Variants in HTR1F observed in about 807,000 individuals in gnomAD.
The protein encoded by HTR1F is 5-hydroxytryptamine receptor 1F.
A neutral mutation model predicts 24.0 loss-of-function variants in HTR1F; 17 were observed. That is an observed-to-expected ratio of 0.71 (90% CI 0.48 to 1.06). The LOEUF (loss-of-function observed/expected upper bound fraction) is 1.06, where lower values mean the gene tolerates loss of function less well. HTR1F is among the 50% of genes least tolerant of loss of function. The pLI is 0.00. For synonymous variants in HTR1F, 186 were observed against 156.8 expected (o/e 1.19, Z -1.39); for missense variants, 391 against 427.8 (o/e 0.91, Z 0.76).
intron 2 of HTR1F, among the ~76,000 whole-genome samples, chr3:87,944,502 C>A (rs1183733104): frequency 6.6e-6 from 1 of 152,198 alleles, no homozygotes; most frequent in South Asian, 2.1e-4. Context: ...TTGGGAGGAA[C>A]CATCTATCGT....
In HTR1F at chr3:87,792,717, C is replaced by G. The variant is rs761207485; in HGVS notation, c.-285C>G. 6.6e-6 allele frequency among the ~76,000 whole-genome samples: 1 copy of G among 152,214 alleles called. No homozygotes were observed. The highest frequency in any genetic ancestry group is 1.5e-5 in the Non-Finnish European group (1 of 68,030). ...GACTTCCCCAGCGCGCAGTCAGCGT[C>G]GCGGCCCCGAAAGCTGGCGACAGGC... is the stretch of plus-strand genomic sequence containing the variant. On this transcript the variant is annotated 5_prime_UTR_variant, in exon 1 of 3. Transcript: ENST00000319595.
At chr3:87,800,626 A>G (rs1703975979) in intron 1 of HTR1F, among the ~76,000 whole-genome samples, 1 of 152,196 alleles carries the variant, frequency 6.6e-6, no homozygotes, top group Non-Finnish European at 1.5e-5. Flanking sequence ...CCATCTCTGT[A>G]TCTTCAGACT....
rs562640650 is a variant in HTR1F, at chr3:87,899,279, A to G, written c.-43+77155A>G. Among the ~76,000 whole-genome samples the G allele has an allele frequency of 5.3e-4, 81 of 152,314 alleles. 1 individual carries two copies. Among genetic ancestry groups the G allele is most frequent in the African/African-American group, 1.8e-3 (74 of 41,576 alleles). On this transcript the variant is annotated intron_variant, in intron 2 of 2. Coordinates refer to ENST00000319595, the MANE Select transcript of HTR1F (RefSeq NM_001322209.2). ...TTTATGTCATCAGCCTTGTTTATAC[A>G]CTGTGGTATATTTTAGGTTCACTTT...
At chr3:87,851,364 A>C (rs1337645013) in intron 2 of HTR1F, among the ~76,000 whole-genome samples, 4 of 151,484 alleles carry the variant, frequency 2.6e-5, no homozygotes, top group Non-Finnish European at 5.9e-5. Flanking sequence ...AGTCATGTGT[A>C]TTTTTTTAAC....
At chr3:87,894,652 G>A (rs953443672) in intron 2 of HTR1F, among the ~76,000 whole-genome samples, 2 of 135,914 alleles carry the variant, frequency 1.5e-5, no homozygotes, top group African/African-American at 5.7e-5. Context: ...AAAGTAAAAA[G>A]CAAGGACTCT....
intron 1 of HTR1F, among the ~76,000 whole-genome samples, chr3:87,812,492 G>A (rs183476523): frequency 2.0e-5 from 3 of 152,214 alleles, no homozygotes; most frequent in African/African-American, 7.2e-5. Flanking sequence ...AGGAACTTAT[G>A]TTTAAAAGGG....
chr3:87,866,815 C>CGTGTGTGTGTGT (rs370665620), intron 2 of HTR1F, among the ~76,000 whole-genome samples: 7 of 99,126 alleles, frequency 7.1e-5, no homozygotes, highest in East Asian at 2.7e-4. Context: ...CACAAGTGTG[C>CGTGTGTGTGTGT]GTGCGTGTGT....
chr3:87,978,702 C>T lies in HTR1F; in HGVS notation c.-42-12006C>T, dbSNP rs115353628. 7.3e-3 allele frequency among the ~76,000 whole-genome samples: 1,108 copies of T among 151,784 alleles called. 14 individuals are homozygous for T. The highest frequency in any genetic ancestry group is 0.026 in the African/African-American group (1,057 of 41,346). The stretch of plus-strand genomic sequence containing the variant: ...ATGTCTCTGTGAGTCTGGCTGAGTC[C>T]AGGATTTTTATAGGCTTCAGAAGGG... On this transcript the variant is annotated intron_variant, in intron 2 of 2. Coordinates refer to ENST00000319595, the MANE Select transcript of HTR1F (RefSeq NM_001322209.2).
At chr3:87,881,586 C>A (rs868577221) in intron 2 of HTR1F, among the ~76,000 whole-genome samples, 1 of 152,120 alleles carries the variant, frequency 6.6e-6, no homozygotes, top group African/African-American at 2.4e-5. Flanking sequence ...CTTTGACAAA[C>A]CTGAGAAAAA....
intron 2 of HTR1F, among the ~76,000 whole-genome samples, chr3:87,923,285 T>G (rs1704051230): frequency 6.6e-6 from 1 of 152,034 alleles, no homozygotes; most frequent in Non-Finnish European, 1.5e-5. Context: ...GAATATTTTT[T>G]TATTTCTGTG....
rs148089702 is a variant in HTR1F at position 87,894,402 on chromosome 3, A to T, written c.-43+72278A>T. On this transcript the variant is annotated intron_variant, in intron 2 of 2. Transcript: ENST00000319595. ...CTCCCGAGTAGCTGGGATTATGGGC[A>T]CGCACCACCATGCCTGGGTAATTTT... 5.1e-3 allele frequency among the ~76,000 whole-genome samples: 775 copies of T among 151,964 alleles called. 5 individuals carry two copies. The highest frequency in any genetic ancestry group is 0.018 in the African/African-American group (738 of 41,470).
At chr3:87,860,425 C>T (rs1705293445) in intron 2 of HTR1F, among the ~76,000 whole-genome samples, 1 of 152,060 alleles carries the variant, frequency 6.6e-6, no homozygotes, top group African/African-American at 2.4e-5. Flanking sequence ...GGAATTATTT[C>T]ACTGTCCTTT....
At chr3:87,905,321 A>AC (rs1319652063) in intron 2 of HTR1F, among the ~76,000 whole-genome samples, 2 of 152,014 alleles carry the variant, frequency 1.3e-5, no homozygotes, top group Non-Finnish European at 2.9e-5. Flanking sequence ...AAACAAACAA[A>AC]AAAAAAGTTT....
At chr3:87,968,215 A>ATT (rs946689385) in intron 2 of HTR1F, among the ~76,000 whole-genome samples, 1 of 145,732 alleles carries the variant, frequency 6.9e-6, no homozygotes, top group Non-Finnish European at 1.5e-5. Context: ...AGCAGAAGAA[A>ATT]TTTTTTTTTT....
At chr3:87,890,127 T>C (rs1188887512) in intron 2 of HTR1F, among the ~76,000 whole-genome samples, 4 of 152,220 alleles carry the variant, frequency 2.6e-5, no homozygotes, top group Admixed American at 6.5e-5. Context: ...GTGTGCTTCT[T>C]TTAAAGAACC....
intron 2 of HTR1F, among the ~76,000 whole-genome samples, chr3:87,872,624 C>T (rs1503427): frequency 0.095 from 14,422 of 151,738 alleles, 764 homozygotes; most frequent in East Asian, 0.16. Flanking sequence ...ACAGCTAATG[C>T]CACAGAAATA....
At chr3:87,974,538 A>G (rs1705352604) in intron 2 of HTR1F, among the ~76,000 whole-genome samples, 1 of 131,594 alleles carries the variant, frequency 7.6e-6, no homozygotes, top group Non-Finnish European at 1.6e-5. Flanking sequence ...ATAAGAAAAA[A>G]AAGGTTTAGA....
In HTR1F at chr3:87,980,105, T is replaced by C. The variant is rs577254609; in HGVS notation, c.-42-10603T>C. On this transcript the variant is annotated intron_variant, in intron 2 of 2. Coordinates refer to ENST00000319595, the MANE Select transcript of HTR1F (RefSeq NM_001322209.2). ...GTTTGTGTTACAGCTCTTTCAGTTCTGCCATTCAGTGGGTCCCAAATTCTT... is the reference window on the plus strand; with the variant it reads ...GTTTGTGTTACAGCTCTTTCAGTTCCGCCATTCAGTGGGTCCCAAATTCTT... Among the ~76,000 whole-genome samples the C allele has an allele frequency of 1.8e-4, 28 of 152,356 alleles. 1 individual carries two copies. The highest frequency in any genetic ancestry group is 6.5e-4 in the African/African-American group (27 of 41,586).
intron 2 of HTR1F, among the ~76,000 whole-genome samples, chr3:87,874,843 T>C (rs1705634920): frequency 6.6e-6 from 1 of 152,090 alleles, no homozygotes; most frequent in Non-Finnish European, 1.5e-5. Flanking sequence ...AGTATATGGT[T>C]AAATAATCTC....
Sources: allele counts gnomAD v4.1 joint callset (sites outside exome capture counted in the v4.1 genomes callset), GRCh38; gene constraint gnomAD v4.1.1; transcripts MANE v1.5; gene names NCBI Gene and HGNC (gene_info 2026-07-23, HGNC 2026-07-21).